CIAPIN1: variants seen among roughly 807,000 people sequenced by gnomAD.
CIAPIN1 encodes anamorsin.
In CIAPIN1, 18 loss-of-function variants were observed where a neutral mutation model predicts 34.3. That is an observed-to-expected ratio of 0.52 (90% CI 0.36 to 0.78). The LOEUF is 0.78. Among genes scored for constraint, CIAPIN1 ranks in the 30% least tolerant of loss-of-function variants. CIAPIN1 has a pLI of 0.00. For synonymous variants in CIAPIN1, 131 were observed against 140.4 expected (o/e 0.93, Z 0.47); for missense variants, 310 against 372.5 (o/e 0.83, Z 1.38).
chr16:57,431,129 C>G (rs1903077271), intron 7 of CIAPIN1, 22 bp downstream of exon 7: 1 of 1,482,820 alleles, frequency 6.7e-7, no homozygotes, highest in Admixed American at 1.7e-5. Flanking sequence ...GCATGGCAGG[C>G]TCCAGTCACC....
chr16:57,431,276 G>A lies in CIAPIN1; in HGVS notation c.631-10C>T, dbSNP rs1598021649. On this transcript the variant is annotated splice_polypyrimidine_tract_variant and intron_variant, in intron 6 of 8. Transcript: ENST00000394391. ...CTGAGTCAATGAGATCCTGGAGAGTGTTCAAAGCAATGAGTGATACAGTCG... is the reference window on the plus strand; with the variant it reads ...CTGAGTCAATGAGATCCTGGAGAGTATTCAAAGCAATGAGTGATACAGTCG... 6 of 1,581,922 alleles carry A rather than the reference G, an allele frequency of 3.8e-6. No individual in the cohort carries two copies. The East Asian group carries it at 6.7e-5, about 18-fold the overall frequency.
intron 7 of CIAPIN1, among the ~76,000 whole-genome samples, 187 bp downstream of exon 7, chr16:57,430,964 C>G (rs1161118621): frequency 6.6e-6 from 1 of 151,726 alleles, no homozygotes; most frequent in Non-Finnish European, 1.5e-5. Flanking sequence ...TCCCAAGTAG[C>G]TGGGACCACA....
intron 3 of CIAPIN1, 64 bp downstream of exon 3, chr16:57,439,118 T>C (rs1004383739): frequency 1.5e-5 from 23 of 1,546,636 alleles, no homozygotes; most frequent in Middle Eastern, 2.3e-4. Context: ...CTCACGGAGA[T>C]GCAGCACACA....
At chr16:57,445,512 T>TA (rs1226172122) in intron 1 of CIAPIN1, among the ~76,000 whole-genome samples, 19 of 151,414 alleles carry the variant, frequency 1.3e-4, no homozygotes, top group South Asian at 1.0e-3. Flanking sequence ...CATCTCAAAA[T>TA]AAAAAAAAAT....
intron 5 of CIAPIN1, among the ~76,000 whole-genome samples, chr16:57,433,228 G>A (rs572701753): frequency 5.9e-5 from 9 of 152,314 alleles, no homozygotes; most frequent in South Asian, 2.1e-4. Flanking sequence ...GCTGAGGCTC[G>A]GATGCAGTGT....
At chr16:57,434,682 A>G (rs1009973123) in intron 4 of CIAPIN1, among the ~76,000 whole-genome samples, 34 of 152,218 alleles carry the variant, frequency 2.2e-4, no homozygotes, top group African/African-American at 8.2e-4. Context: ...TCCAATAATT[A>G]TAGACTGGTT....
chr16:57,434,038 C>T lies in CIAPIN1; in HGVS notation c.556+6G>A. On this transcript the variant is annotated splice_donor_region_variant and intron_variant, in intron 5 of 8. Coordinates refer to ENST00000394391, the MANE Select transcript of CIAPIN1 (RefSeq NM_020313.4). ...AAACAGAAGAATGTCCCTAGGCCAG[C>T]CTTACCTGAAGGAGAAGACTTCTTG... The T allele has an allele frequency of 6.2e-7, 1 of 1,613,474 alleles. No homozygotes were observed. The highest frequency in any genetic ancestry group is 8.5e-7 in the Non-Finnish European group (1 of 1,179,668).
chr16:57,440,288 G>A (rs965578215), intron 2 of CIAPIN1, among the ~76,000 whole-genome samples: 5 of 152,092 alleles, frequency 3.3e-5, no homozygotes, highest in East Asian at 1.9e-4. Flanking sequence ...ATGACAATGC[G>A]TGCCCGAAAC....
chr16:57,435,542 C>T (rs1449429794), intron 4 of CIAPIN1, among the ~76,000 whole-genome samples: 1 of 152,190 alleles, frequency 6.6e-6, no homozygotes, highest in Non-Finnish European at 1.5e-5. Context: ...CCTGTAATAC[C>T]AGCACTTTGG....
chr16:57,442,431 C>A (rs1486145455), intron 1 of CIAPIN1, among the ~76,000 whole-genome samples: 2 of 151,896 alleles, frequency 1.3e-5, no homozygotes, highest in Non-Finnish European at 2.9e-5. Flanking sequence ...GAAGGCGAGG[C>A]AGGTGGATCC....
In CIAPIN1 at chr16:57,447,350, T is replaced by A. The variant is rs1409776389; in HGVS notation, c.-64A>T. 24 of 642,446 alleles carry A rather than the reference T, an allele frequency of 3.7e-5. No homozygotes were observed. The highest frequency in any genetic ancestry group is 4.9e-5 in the Non-Finnish European group (22 of 450,168). 39.8% of individuals were successfully genotyped at this position (642,446 alleles called of 1,614,324 possible). A position where few individuals can be genotyped will look rare whatever the true frequency, so the allele number is the denominator to read the frequency against. The stretch of plus-strand genomic sequence containing the variant: ...GCCCCCACCACTCTCACCTGCCGCC[T>A]GGGCTCGCTCCCGGCTTCTCTCCAG... On this transcript the variant is annotated 5_prime_UTR_variant, in exon 1 of 9. Coordinates refer to ENST00000394391, the MANE Select transcript of CIAPIN1 (RefSeq NM_020313.4).
At chr16:57,431,345 A>G in intron 6 of CIAPIN1, 79 bp from the exon 7 acceptor site, 1 of 962,768 alleles carries the variant, frequency 1.0e-6, no homozygotes, top group Non-Finnish European at 1.6e-6. Flanking sequence ...AGGCTTCGAG[A>G]GGAAACTTGG....
chr16:57,445,834 G>GTTTTTT (rs751037117), intron 1 of CIAPIN1, among the ~76,000 whole-genome samples: 2 of 70,450 alleles, frequency 2.8e-5, no homozygotes, highest in Non-Finnish European at 5.0e-5. Context: ...GACCTTAGAG[G>GTTTTTT]TTTTTTTTTT....
chr16:57,441,033 AT>A, intron 1 of CIAPIN1, 50 bp from the exon 2 acceptor site: 1 of 1,250,616 alleles, frequency 8.0e-7, no homozygotes, highest in Non-Finnish European at 1.1e-6. Context: ...ATAAAATATG[AT>A]TAGAATCCCA....
chr16:57,428,392 A>G lies in CIAPIN1; in HGVS notation c.*778T>C, dbSNP rs1250842787. On this transcript the variant is annotated 3_prime_UTR_variant, in exon 9 of 9. Coordinates refer to ENST00000394391, the MANE Select transcript of CIAPIN1 (RefSeq NM_020313.4). Reference sequence around the variant, plus strand: ...AATGCTCACCAACCTGGACTCTTCTAAAGTGGGCAGACAAGCCCTATTCTA... The same window carrying G: ...AATGCTCACCAACCTGGACTCTTCTGAAGTGGGCAGACAAGCCCTATTCTA... 1 of 152,172 alleles carries G rather than the reference A, an allele frequency of 6.6e-6. No homozygotes were observed. Among genetic ancestry groups the G allele is most frequent in the Non-Finnish European group, 1.5e-5 (1 of 68,044 alleles). 9.4% of individuals were successfully genotyped at this position (152,172 alleles called of 1,614,324 possible).
At chr16:57,435,658 G>C (rs1903183143) in intron 4 of CIAPIN1, among the ~76,000 whole-genome samples, 1 of 152,150 alleles carries the variant, frequency 6.6e-6, no homozygotes, top group African/African-American at 2.4e-5. Flanking sequence ...GCCAGGTGTG[G>C]TGGCGCACGC....
Position 57,428,309 on chromosome 16 carries a change from AG to A in CIAPIN1, c.*860del, listed in dbSNP as rs1401687564. ...CCATATGGGTGGATAACAAGAACAA[AG>A]GGGTCTCTGCTCAGAGAGACGTATT... On this transcript the variant is annotated 3_prime_UTR_variant, in exon 9 of 9. Coordinates refer to ENST00000394391, the MANE Select transcript of CIAPIN1 (RefSeq NM_020313.4). 6.6e-6 allele frequency: 1 copy of A among 152,202 alleles called. No homozygotes were observed. Among genetic ancestry groups the A allele is most frequent in the Non-Finnish European group, 1.5e-5 (1 of 68,028 alleles). The allele number at this position is 152,202 out of a possible 1,614,324, so 9.4% of individuals were successfully genotyped here.
At chr16:57,444,615 C>A (rs948071367) in intron 1 of CIAPIN1, among the ~76,000 whole-genome samples, 7 of 152,228 alleles carry the variant, frequency 4.6e-5, no homozygotes, top group African/African-American at 1.7e-4. Context: ...CGTTCCGTAT[C>A]TCCCAAAACT....
chr16:57,429,390 C>T, intron 8 of CIAPIN1, 110 bp from the exon 9 acceptor site: 1 of 714,664 alleles, frequency 1.4e-6, no homozygotes. Context: ...AAGGAAATGG[C>T]TATGTTTGCA....
Sources: allele counts gnomAD v4.1 joint callset (sites outside exome capture counted in the v4.1 genomes callset), GRCh38; gene constraint gnomAD v4.1.1; transcripts MANE v1.5; gene names NCBI Gene and HGNC (gene_info 2026-07-23, HGNC 2026-07-21).